BRD1: variants seen among roughly 807,000 people sequenced by gnomAD.
BRD1 encodes bromodomain containing 1.
Under a neutral mutation model 107.7 loss-of-function variants are expected in BRD1, and 24 were observed. The ratio of observed to expected loss-of-function variants is 0.22; its 90% CI spans 0.16 to 0.31. The LOEUF is 0.31. BRD1 is among the 10% of genes least tolerant of loss of function. The probability of loss-of-function intolerance (pLI) is 1.00; values close to 1 mark genes in which losing one functional copy is unlikely to be tolerated. For synonymous variants in BRD1, 744 were observed against 686.1 expected (o/e 1.08, Z -1.32); for missense variants, 1,279 against 1,638.6 (o/e 0.78, Z 3.79).
intron 7 of BRD1, among the ~76,000 whole-genome samples, chr22:49,789,155 T>G (rs2147061076): frequency 6.6e-6 from 1 of 152,180 alleles, no homozygotes; most frequent in Non-Finnish European, 1.5e-5. Context: ...ACAAAAAGCC[T>G]CCCGTGTCAG....
At chr22:49,818,404 A>G in intron 2 of BRD1, 1 of 1,137,746 alleles carries the variant, frequency 8.8e-7, no homozygotes, top group Non-Finnish European at 1.1e-6. Flanking sequence ...TGTTAAACAG[A>G]TTATGCGTGT....
chr22:49,823,839 T>C lies in BRD1; in HGVS notation c.479A>G (p.Glu160Gly), dbSNP rs2060113114. 1.2e-6 allele frequency: 2 copies of C among 1,614,048 alleles called. No homozygotes were observed. Among genetic ancestry groups the C allele is most frequent in the Non-Finnish European group, 1.7e-6 (2 of 1,180,044 alleles). Reference protein sequence around the residue: ...LDNEVEYDMDEEDYAWLEIVN... With the variant: ...LDNEVEYDMDGEDYAWLEIVN... ...GATCTCCAGCCAGGCATAGTCCTCC[T>C]CGTCCATGTCATACTCCACCTCGTT... The change falls in exon 2 of 13, where the codon GAG becomes GGG. Residue 160 changes from glutamate (E) to glycine (G), a missense_variant. Glu to Gly is a moderately conservative substitution (Grantham distance 98). Around this residue, in one of 7 missense-constraint regions of BRD1, gnomAD observed 223 missense variants for 263.5 expected, o/e 0.85. Transcript: ENST00000404760.
chr22:49,823,005 G>A lies in BRD1; in HGVS notation c.1313C>T (p.Ala438Val). Residue 438 changes from alanine (A) to valine (V), a missense_variant, in exon 2 of 13, where the codon GCT (alanine) becomes GTT (valine). Physicochemically the swap from Ala to Val is moderately conservative, Grantham distance 64. Transcript: ENST00000404760. The stretch of plus-strand genomic sequence containing the variant: ...GGTCGGCAGGACCGCGCAGGGCTCA[G>A]CCAGAGCTTTCTTAGCCTTTTTTGC... Reference protein sequence around the residue: ...KKAKKAKKALAEPCAVLPTVC... With the variant: ...KKAKKAKKALVEPCAVLPTVC... The A allele has an allele frequency of 1.2e-6, 2 of 1,614,260 alleles. No individual in the cohort carries two copies. The highest frequency in any genetic ancestry group is 1.7e-6 in the Non-Finnish European group (2 of 1,180,048).
Position 49,824,907 on chromosome 22 carries a change from G to T in BRD1, c.-14-576C>A. On this transcript the variant is annotated intron_variant, in intron 1 of 12. Transcript: ENST00000404760. This position sits in a 1 kb window ranked among gnomAD's most constrained non-coding sequence, Gnocchi z 5.9. ...TGCAGCATTCCTGCTGGGGCCAGGG[G>T]TAGGAGACAGATCACAGCCTGTCCA... 1.3e-6 allele frequency: 1 copy of T among 769,272 alleles called. No individual in the cohort carries two copies. The highest frequency in any genetic ancestry group is 1.6e-6 in the Non-Finnish European group (1 of 627,360). The allele number at this position is 769,272 out of a possible 1,614,324, so 47.7% of individuals were successfully genotyped here. A position where few individuals can be genotyped will look rare whatever the true frequency, so the allele number is the denominator to read the frequency against.
At chr22:49,785,329 G>A (rs922279920) in intron 8 of BRD1, among the ~76,000 whole-genome samples, 3 of 152,248 alleles carry the variant, frequency 2.0e-5, no homozygotes, top group African/African-American at 7.2e-5. Context: ...CCAGCCCCAC[G>A]GCCGGCAGGG....
intron 8 of BRD1, among the ~76,000 whole-genome samples, chr22:49,781,673 C>G (rs1054250417): frequency 1.3e-5 from 2 of 152,270 alleles, no homozygotes; most frequent in Non-Finnish European, 2.9e-5. Flanking sequence ...GAAGCTTGGC[C>G]GTATGAAGCA....
At chr22:49,826,653 G>C (rs964023132) in intron 1 of BRD1, among the ~76,000 whole-genome samples, 1 of 152,160 alleles carries the variant, frequency 6.6e-6, no homozygotes, top group African/African-American at 2.4e-5. Flanking sequence ...CGCGGCCGCT[G>C]AGCTGTGCGA....
chr22:49,813,234 T>C (rs1024100837), intron 2 of BRD1, among the ~76,000 whole-genome samples: 4 of 152,066 alleles, frequency 2.6e-5, no homozygotes, highest in African/African-American at 9.7e-5. Flanking sequence ...CTATTTTTTG[T>C]TTTTTTGAGA....
intron 8 of BRD1, among the ~76,000 whole-genome samples, chr22:49,785,328 C>T (rs1041253743): frequency 2.0e-5 from 3 of 152,260 alleles, no homozygotes; most frequent in Non-Finnish European, 4.4e-5. Context: ...CCCAGCCCCA[C>T]GGCCGGCAGG....
rs756264961 is a variant in BRD1 at position 49,794,091 on chromosome 22, C to A, written c.2302G>T (p.Gly768Cys). The change falls in exon 7 of 13, where the codon GGC becomes TGC. Residue 768 changes from glycine to cysteine, a missense_variant. Gly to Cys is a radical substitution (Grantham distance 159). This residue lies in a region of BRD1 where 406 missense variants were observed against 519.4 expected (regional missense o/e 0.78). Coordinates refer to ENST00000404760, the MANE Select transcript of BRD1 (RefSeq NM_001304808.3). ...CCGTCCTCTTCGAAGCCTTCCAAGC[C>A]TGGCCCCGTGGGCAGGGGCTGGCTG... Reference protein sequence around the residue: ...QHSQPLPTGPGLEGFEEDGAA... With the variant: ...QHSQPLPTGPCLEGFEEDGAA... 1.9e-6 allele frequency: 3 copies of A among 1,614,226 alleles called. No individual in the cohort carries two copies. The highest frequency in any genetic ancestry group is 3.3e-5 in the Admixed American group (2 of 60,032).
chr22:49,818,501 A>AGAGTTC, intron 2 of BRD1: 1 of 511,002 alleles, frequency 2.0e-6, no homozygotes, highest in Non-Finnish European at 2.6e-6. Context: ...CTCTCATGTG[A>AGAGTTC]ATGAGTCCTG....
At chr22:49,814,525 C>A (rs1029249115) in intron 2 of BRD1, among the ~76,000 whole-genome samples, 2 of 152,268 alleles carry the variant, frequency 1.3e-5, no homozygotes, top group Non-Finnish European at 2.9e-5. Flanking sequence ...AGGGCCACAT[C>A]TGGGATCCTC....
chr22:49,776,071 G>A lies in BRD1; in HGVS notation c.3210C>T (p.Gly1070=), dbSNP rs1601595656. ...PLKVVWAKCS[G]YPSYPALIID... ...TCACCAGTGCCGGGTAGGAGGGGTA[G>A]CCGCTGCACTTGGCCCACACCACCT... Residue 1070 remains glycine, a synonymous_variant, in exon 11 of 13, where the codon GGC becomes GGT. Transcript: ENST00000404760. 6.3e-7 allele frequency: 1 copy of A among 1,588,600 alleles called. No homozygotes were observed. The highest frequency in any genetic ancestry group is 1.7e-5 in the Admixed American group (1 of 58,854).
In BRD1 at chr22:49,775,820, CCCCCG is replaced by C. The variant is rs2059076651; in HGVS notation, c.3232-80_3232-76del. ...CAACCCCACCTGTCACTGGCACCCCCCCCCGCCTCCCCACCCCAGCTGTGTGAGCC... is the reference window on the plus strand; with the variant it reads ...CAACCCCACCTGTCACTGGCACCCCCCCTCCCCACCCCAGCTGTGTGAGCC... On this transcript the variant is annotated intron_variant, in intron 11 of 12. Coordinates refer to ENST00000404760, the MANE Select transcript of BRD1 (RefSeq NM_001304808.3). The C allele has an allele frequency of 2.9e-6, 4 of 1,360,656 alleles. No individual in the cohort carries two copies. In the South Asian group the frequency reaches 4.8e-5, roughly 16 times the overall value. 84.3% of individuals were successfully genotyped at this position (1,360,656 alleles called of 1,614,324 possible).
Position 49,798,977 on chromosome 22 carries a change from C to G in BRD1, c.1656+11G>C. 1 of 1,598,886 alleles carries G rather than the reference C, an allele frequency of 6.3e-7. No individual in the cohort carries two copies. On this transcript the variant is annotated intron_variant, in intron 4 of 12. Coordinates refer to ENST00000404760, the MANE Select transcript of BRD1 (RefSeq NM_001304808.3). ...AGTGGTGCACTCCACGCGGGACAGG[C>G]CCAGCCCCACCTGCTCACGCTTGAG... is the stretch of plus-strand genomic sequence containing the variant.
chr22:49,787,277 G>T, intron 8 of BRD1, 113 bp downstream of exon 8: 1 of 1,299,352 alleles, frequency 7.7e-7, no homozygotes, highest in Non-Finnish European at 1.0e-6. Context: ...TTAAGAGAAT[G>T]CTGCAAAAAC....
At chr22:49,780,153 C>T (rs1009319476) in intron 8 of BRD1, among the ~76,000 whole-genome samples, 2 of 152,284 alleles carry the variant, frequency 1.3e-5, no homozygotes, top group Admixed American at 6.5e-5. Flanking sequence ...GGCCCTAGCA[C>T]GAGATCACCC....
chr22:49,785,113 A>T (rs913768114), intron 8 of BRD1, among the ~76,000 whole-genome samples: 16 of 152,246 alleles, frequency 1.1e-4, no homozygotes, highest in Non-Finnish European at 2.4e-4. Flanking sequence ...CCAATGTAAG[A>T]CAGTGGCCCG....
intron 2 of BRD1, among the ~76,000 whole-genome samples, chr22:49,821,609 T>C (rs2147399736): frequency 1.4e-5 from 1 of 70,450 alleles, no homozygotes; most frequent in South Asian, 5.3e-4. Context: ...TAAAACTTCT[T>C]TTTTTTTTTT....
Sources: gnomAD v4.1 joint callset for allele counts (sites outside exome capture counted in the v4.1 genomes callset) on GRCh38, gnomAD v4.1.1 for gene constraint, gnomAD v4.1.1 regional missense constraint, Gnocchi (gnomAD v3.1) non-coding constraint, MANE v1.5 for transcripts, NCBI Gene and HGNC (gene_info 2026-07-23, HGNC 2026-07-21) for gene names.